The following HMCN1 variants were observed in gnomAD, a reference collection of about 807,000 sequenced individuals.
HMCN1 encodes hemicentin-1.
Under a neutral mutation model 625.9 loss-of-function variants are expected in HMCN1, and 321 were observed. That is an observed-to-expected ratio of 0.51 (90% CI 0.47 to 0.56). The LOEUF (loss-of-function observed/expected upper bound fraction) is 0.56. Ranked by LOEUF, HMCN1 falls within the 20% of genes least tolerant of loss-of-function variation. HMCN1 has a pLI of 0.00. For missense variants in HMCN1, 6,588 were observed against 6,887.3 expected, an observed-to-expected ratio of 0.96 and a Z score of 1.54; for synonymous variants, 2,425 against 2,417.6, an observed-to-expected ratio of 1.00 and a Z score of -0.09.
chr1:185,925,259 G>T, intron 9 of HMCN1, 68 bp downstream of exon 9: 1 of 1,452,202 alleles, frequency 6.9e-7, no homozygotes. Context: ...GACTATTATT[G>T]CAGTGTACTT....
Position 186,187,990 on chromosome 1 carries a change from C to A in HMCN1, c.16522C>A (p.Gln5508Lys), listed in dbSNP as rs948532507. ...CIDTPCPPNY[Q>K]RDPVSGFCLK... ...CGATACACCCTGTCCACCCAACTAC[C>A]AACGGGATCCTGTTTCAGGGTATGT... The change falls in exon 106 of 107, where the codon CAA (glutamine) becomes AAA (lysine). Residue 5508 changes from glutamine (Q) to lysine (K), a missense_variant. Around this residue, in one of 3 missense-constraint regions of HMCN1, gnomAD observed 1,954 missense variants for 2,013.1 expected, o/e 0.97. Transcript: ENST00000271588. The A allele has an allele frequency of 2.5e-6, 4 of 1,613,720 alleles. No homozygotes were observed. Among genetic ancestry groups the A allele is most frequent in the Non-Finnish European group, 3.4e-6 (4 of 1,179,814 alleles).
intron 63 of HMCN1, among the ~76,000 whole-genome samples, chr1:186,089,010 T>G (rs1659689349): frequency 6.6e-6 from 1 of 152,002 alleles, no homozygotes; most frequent in Non-Finnish European, 1.5e-5. Context: ...CTTCCATTAT[T>G]ATCTTTCTAT....
Position 185,909,456 on chromosome 1 carries a change from C to T in HMCN1, c.741C>T (p.Val247=). ...RIPFDPSLKE[V]TVSLSGPSPM... is the part of the protein sequence containing the mutation. Reference sequence around the variant, plus strand: ...CTTTTGATCCCAGCCTGAAAGAGGTCACTGTGTCTTTGAGTGGGCCTTCTC... The same window carrying T: ...CTTTTGATCCCAGCCTGAAAGAGGTTACTGTGTCTTTGAGTGGGCCTTCTC... The change falls in exon 5 of 107, where the codon GTC becomes GTT. Residue 247 remains valine (V), a synonymous_variant. Transcript: ENST00000271588. 1 of 1,613,620 alleles carries T rather than the reference C, an allele frequency of 6.2e-7. No individual in the cohort carries two copies.
At chr1:185,973,354 G>A (rs912638789) in intron 15 of HMCN1, among the ~76,000 whole-genome samples, 4 of 151,938 alleles carry the variant, frequency 2.6e-5, no homozygotes, top group African/African-American at 9.7e-5. Flanking sequence ...TTAAGCATTG[G>A]GATTTTAATG....
At chr1:186,029,551 T>TTA (rs397789139) in intron 36 of HMCN1, among the ~76,000 whole-genome samples, 53 of 151,886 alleles carry the variant, frequency 3.5e-4, no homozygotes, top group African/African-American at 1.2e-3. Flanking sequence ...TTTTTTTTTT[T>TTA]ATTTCTGTAA....
rs1446711664 is a variant in HMCN1, at chr1:185,879,784, G to A, written c.621+13921G>A. Among the ~76,000 whole-genome samples, 8 of 152,268 alleles carry A rather than the reference G, an allele frequency of 5.3e-5. 1 individual carries two copies. The highest frequency in any genetic ancestry group is 3.9e-4 in the East Asian group (2 of 5,178). On this transcript the variant is annotated intron_variant, in intron 4 of 106. Coordinates refer to ENST00000271588, the MANE Select transcript of HMCN1 (RefSeq NM_031935.3). ...TGGTTGGCCTTGGGAATGTGTGGGC[G>A]AAATGGAGCAGTGAGGAGGGTTACA...
intron 86 of HMCN1, 103 bp downstream of exon 86, chr1:186,132,512 C>CAAGT: frequency 1.1e-6 from 1 of 896,238 alleles, no homozygotes; most frequent in Non-Finnish European, 1.8e-6. Context: ...TTAGTGGTAG[C>CAAGT]TCTCAGAGTG....
intron 1 of HMCN1, among the ~76,000 whole-genome samples, chr1:185,838,547 T>C (rs1464086836): frequency 6.6e-6 from 1 of 151,492 alleles, no homozygotes; most frequent in Admixed American, 6.6e-5. Flanking sequence ...CATCTAGGAG[T>C]GGGAGAGCAG....
intron 18 of HMCN1, among the ~76,000 whole-genome samples, 186 bp downstream of exon 18, chr1:185,982,575 G>A (rs532984005): frequency 2.2e-4 from 33 of 151,966 alleles, no homozygotes; most frequent in African/African-American, 7.5e-4. Flanking sequence ...AGAGTAGCAG[G>A]ATTACAGGTG....
At chr1:186,039,410 G>GCACACA (rs34723003) in intron 38 of HMCN1, among the ~76,000 whole-genome samples, 5 of 148,014 alleles carry the variant, frequency 3.4e-5, no homozygotes, top group African/African-American at 1.2e-4. Flanking sequence ...GTGTTCATGT[G>GCACACA]CACACACACA....
At chr1:186,093,785 T>C in intron 66 of HMCN1, 116 bp downstream of exon 66, 1 of 1,370,994 alleles carries the variant, frequency 7.3e-7, no homozygotes, top group Non-Finnish European at 1.0e-6. Context: ...ACAGTTTTTT[T>C]CCCTTTAAGT....
rs202014343 is a variant in HMCN1, at chr1:186,081,284, G to C, written c.8677G>C (p.Glu2893Gln). The C allele has an allele frequency of 4.3e-6, 7 of 1,613,236 alleles. No individual in the cohort carries two copies. In the African/African-American group the frequency reaches 9.3e-5, roughly 22 times the overall value. The change falls in exon 56 of 107, where the codon GAG becomes CAG. Residue 2893 changes from glutamate (E) to glutamine (Q), a missense_variant. Transcript: ENST00000271588. ...GCTGGTGAACAAGAGTGCACTGATA[G>C]AGTGTTTATCCAGTGGCAGCCCAGC... ...TVLVNKSALI[E>Q]CLSSGSPAPR...
intron 4 of HMCN1, among the ~76,000 whole-genome samples, chr1:185,887,574 T>C (rs2102403686): frequency 6.6e-6 from 1 of 151,492 alleles, no homozygotes; most frequent in South Asian, 2.1e-4. Flanking sequence ...TTTTTGTTCT[T>C]GCGATAGTTT....
At chr1:185,870,284 C>T (rs1160199700) in intron 4 of HMCN1, among the ~76,000 whole-genome samples, 1 of 152,084 alleles carries the variant, frequency 6.6e-6, no homozygotes, top group Non-Finnish European at 1.5e-5. Context: ...GGGTTGTCAG[C>T]TGATTTAATT....
At chr1:186,153,457 C>T (rs369406442) in intron 96 of HMCN1, among the ~76,000 whole-genome samples, 4 of 152,090 alleles carry the variant, frequency 2.6e-5, no homozygotes, top group Non-Finnish European at 5.9e-5. Flanking sequence ...ATCCTCATTC[C>T]GCCACTTTGT....
In HMCN1 at chr1:185,977,593, C is replaced by T. The variant is rs1345207805; in HGVS notation, c.2372-194C>T. On this transcript the variant is annotated intron_variant, in intron 15 of 106. Coordinates refer to ENST00000271588, the MANE Select transcript of HMCN1 (RefSeq NM_031935.3). ...AGGAAATGGTTGGGCTTCTAAGTGT[C>T]TCTCTTCATTTATAAAGCAAAAAAG... Among the ~76,000 whole-genome samples, 3 of 152,104 alleles carry T rather than the reference C, an allele frequency of 2.0e-5. No individual in the cohort carries two copies. In the East Asian group the frequency reaches 5.8e-4, roughly 29 times the overall value.
intron 6 of HMCN1, among the ~76,000 whole-genome samples, chr1:185,915,228 A>G (rs532270524): frequency 2.0e-5 from 3 of 152,246 alleles, no homozygotes; most frequent in East Asian, 3.9e-4. Context: ...ATAAAGTTTT[A>G]TTAAAAACAG....
Position 185,925,107 on chromosome 1 carries a change from T to C in HMCN1, c.1346T>C (p.Ile449Thr). The C allele has an allele frequency of 6.2e-6, 10 of 1,613,896 alleles. No individual in the cohort carries two copies. Among genetic ancestry groups the C allele is most frequent in the Non-Finnish European group, 8.5e-6 (10 of 1,179,818 alleles). Reference sequence around the variant, plus strand: ...GGATACTATCTGCAGCCGGGCCAAATTCCCTGCTCTGTTGACAGTCTTTTG... The same window carrying C: ...GGATACTATCTGCAGCCGGGCCAAACTCCCTGCTCTGTTGACAGTCTTTTG... ...TPGYYLQPGQ[I>T]PCSVDSLLPF... The change falls in exon 9 of 107, where the codon ATT becomes ACT. Residue 449 changes from isoleucine (I) to threonine (T), a missense_variant. This residue lies in a region of HMCN1 where 4,628 missense variants were observed against 4,853.1 expected (regional missense o/e 0.95). Transcript: ENST00000271588.
chr1:185,993,370 T>A, intron 23 of HMCN1, 61 bp downstream of exon 23: 1 of 1,592,654 alleles, frequency 6.3e-7, no homozygotes, highest in Non-Finnish European at 8.6e-7. Context: ...AAACCCGTAA[T>A]CCTAGTTTAT....
Sources: gnomAD v4.1 joint callset for allele counts (sites outside exome capture counted in the v4.1 genomes callset) on GRCh38, gnomAD v4.1.1 for gene constraint, gnomAD v4.1.1 regional missense constraint, MANE v1.5 for transcripts, NCBI Gene and HGNC (gene_info 2026-07-23, HGNC 2026-07-21) for gene names.